Variants in NALF1 observed in about 807,000 individuals in gnomAD.
NALF1 encodes family with sequence similarity 155 member A.
In NALF1, 3 loss-of-function variants were observed where a neutral mutation model predicts 48.4. The ratio of observed to expected loss-of-function variants is 0.06; its 90% CI spans 0.03 to 0.16. The LOEUF (loss-of-function observed/expected upper bound fraction) is 0.16. Among genes scored for constraint, NALF1 ranks in the 10% least tolerant of loss-of-function variants. NALF1 has a pLI of 1.00. For missense variants in NALF1, 526 were observed against 571.5 expected (o/e 0.92, Z 0.81); for synonymous variants, 262 against 245.7 (o/e 1.07, Z -0.62).
chr13:107,450,027 G>A (rs528124862), intron 1 of NALF1, among the ~76,000 whole-genome samples: 14 of 152,044 alleles, frequency 9.2e-5, no homozygotes, highest in African/African-American at 1.9e-4. Flanking sequence ...GTGGATAAAC[G>A]GGTGATATAT....
chr13:107,255,516 C>T (rs769823646), intron 1 of NALF1, among the ~76,000 whole-genome samples: 2 of 152,108 alleles, frequency 1.3e-5, no homozygotes, highest in Non-Finnish European at 1.5e-5. Flanking sequence ...TCTTGGCTGA[C>T]ATCCTTACCG....
Position 107,163,559 on chromosome 13 carries a change from A to G in NALF1, c.*6938T>C, listed in dbSNP as rs1215248168. ...TTAATATTTGTATTTTAATAATTTT[A>G]GAAGTTGAAATTTAAGATCCAAGGC... is the stretch of plus-strand genomic sequence containing the variant. On this transcript the variant is annotated 3_prime_UTR_variant, in exon 3 of 3. Coordinates refer to ENST00000375915, the MANE Select transcript of NALF1 (RefSeq NM_001080396.3). 2 of 152,216 alleles carry G rather than the reference A, an allele frequency of 1.3e-5. No homozygotes were observed. The highest frequency in any genetic ancestry group is 2.9e-5 in the Non-Finnish European group (2 of 68,036). The allele number at this position is 152,216 out of a possible 1,614,324, so 9.4% of individuals were successfully genotyped here.
In NALF1 at chr13:107,169,279, G is replaced by A. The variant is rs1782354390; in HGVS notation, c.*1218C>T. Reference sequence around the variant, plus strand: ...CAGAATTGCATACACTGTATACCTGGAATAATTTTAAACCATATGTTAGGG... The same window carrying A: ...CAGAATTGCATACACTGTATACCTGAAATAATTTTAAACCATATGTTAGGG... On this transcript the variant is annotated 3_prime_UTR_variant, in exon 3 of 3. Coordinates refer to ENST00000375915, the MANE Select transcript of NALF1 (RefSeq NM_001080396.3). The A allele has an allele frequency of 6.6e-6, 1 of 152,156 alleles. No individual in the cohort carries two copies. Among genetic ancestry groups the A allele is most frequent in the Non-Finnish European group, 1.5e-5 (1 of 68,034 alleles). 9.4% of individuals were successfully genotyped at this position (152,156 alleles called of 1,614,324 possible). A position where few individuals can be genotyped will look rare whatever the true frequency, so the allele number is the denominator to read the frequency against.
chr13:107,232,794 C>T (rs984539405), intron 1 of NALF1, among the ~76,000 whole-genome samples: 1 of 152,144 alleles, frequency 6.6e-6, no homozygotes, highest in African/African-American at 2.4e-5. Flanking sequence ...AAAGAGCCTG[C>T]AATTTTTTTC....
intron 1 of NALF1, among the ~76,000 whole-genome samples, chr13:107,585,907 T>G (rs1197577265): frequency 6.6e-6 from 1 of 152,150 alleles, no homozygotes; most frequent in Non-Finnish European, 1.5e-5. Context: ...AAAGCATGTA[T>G]TTAATTACTT....
chr13:107,467,321 C>CTTTCATTACTAAGAGACTAAGGTTA (rs71121530), intron 1 of NALF1, among the ~76,000 whole-genome samples: 48,965 of 151,282 alleles, frequency 0.32, 9,426 homozygotes, highest in Middle Eastern at 0.45. Flanking sequence ...TAGATATATA[C>CTTTCATTACTAAGAGACTAAGGTTA]TTTCATTACT....
At position 107,387,323 on chromosome 13, in the gene NALF1, G is replaced by A. The variant is rs142618036; in HGVS notation, c.916-176568C>T. ...CAGGTGGGATAACATCTGACACAGA[G>A]CTTCCGTCCCAAGTTCAACCCCCAT... On this transcript the variant is annotated intron_variant, in intron 1 of 2. Transcript: ENST00000375915. Among the ~76,000 whole-genome samples, 220 of 152,236 alleles carry A rather than the reference G, an allele frequency of 1.4e-3. 2 individuals are homozygous for A. Among genetic ancestry groups the A allele is most frequent in the Admixed American group, 5.5e-3 (84 of 15,288 alleles).
chr13:107,675,890 A>C (rs945171522), intron 1 of NALF1, among the ~76,000 whole-genome samples: 7 of 152,174 alleles, frequency 4.6e-5, no homozygotes, highest in African/African-American at 1.7e-4. Flanking sequence ...CTCCAATTGA[A>C]GGTATGGAGG....
chr13:107,355,267 G>A (rs951134629), intron 1 of NALF1, among the ~76,000 whole-genome samples: 1 of 152,092 alleles, frequency 6.6e-6, no homozygotes, highest in Non-Finnish European at 1.5e-5. Context: ...CAGTAATAGA[G>A]TTTTTGAAGC....
At chr13:107,256,267 G>A (rs538155125) in intron 1 of NALF1, among the ~76,000 whole-genome samples, 15 of 152,296 alleles carry the variant, frequency 9.8e-5, no homozygotes, top group African/African-American at 3.4e-4. Context: ...GCTGTACAGT[G>A]GAAGTACTAC....
At chr13:107,670,569 G>T (rs1880967137) in intron 1 of NALF1, among the ~76,000 whole-genome samples, 1 of 152,104 alleles carries the variant, frequency 6.6e-6, no homozygotes, top group Non-Finnish European at 1.5e-5. Flanking sequence ...GCCAGACATA[G>T]CCTGGTTGTT....
intron 1 of NALF1, among the ~76,000 whole-genome samples, chr13:107,646,515 T>C (rs7984847): frequency 0.19 from 29,336 of 152,128 alleles, 3,025 homozygotes; most frequent in Middle Eastern, 0.35. Flanking sequence ...TCCTATATTC[T>C]CACAGGTAAA....
intron 1 of NALF1, among the ~76,000 whole-genome samples, chr13:107,225,836 C>T (rs1880091558): frequency 6.6e-6 from 1 of 152,092 alleles, no homozygotes; most frequent in Non-Finnish European, 1.5e-5. Context: ...CACGCACACA[C>T]ACACGCATGC....
intron 1 of NALF1, among the ~76,000 whole-genome samples, chr13:107,415,309 T>C (rs745378996): frequency 4.0e-4 from 61 of 152,032 alleles, no homozygotes; most frequent in Admixed American, 2.7e-3. Flanking sequence ...TTGTGAAAGA[T>C]ATACTGGATT....
chr13:107,473,647 A>T (rs1244654813), intron 1 of NALF1, among the ~76,000 whole-genome samples: 3 of 152,216 alleles, frequency 2.0e-5, no homozygotes, highest in Admixed American at 6.5e-5. Flanking sequence ...AGGCCAAAAG[A>T]TAGTAGTAGA....
intron 1 of NALF1, among the ~76,000 whole-genome samples, chr13:107,348,121 T>A (rs1307532873): frequency 6.6e-6 from 1 of 152,254 alleles, no homozygotes; most frequent in South Asian, 2.1e-4. Flanking sequence ...GTTCTGAGAT[T>A]GCTTGAAACT....
At chr13:107,453,570 A>C (rs904770869) in intron 1 of NALF1, among the ~76,000 whole-genome samples, 3 of 152,220 alleles carry the variant, frequency 2.0e-5, no homozygotes, top group Non-Finnish European at 4.4e-5. Flanking sequence ...CTAGGCCTCC[A>C]GGCCTGTGAT....
chr13:107,740,214 T>C (rs1876592656), intron 1 of NALF1, among the ~76,000 whole-genome samples: 1 of 152,184 alleles, frequency 6.6e-6, no homozygotes, highest in African/African-American at 2.4e-5. Context: ...GAAATATTTT[T>C]ATTTATCTCA....
At chr13:107,357,518 A>AAAC (rs1019767674) in intron 1 of NALF1, among the ~76,000 whole-genome samples, 23 of 152,254 alleles carry the variant, frequency 1.5e-4, no homozygotes, top group African/African-American at 4.6e-4. Flanking sequence ...GTTGTGTTAA[A>AAAC]AACAACAACA....
Sources: allele counts gnomAD v4.1 joint callset (sites outside exome capture counted in the v4.1 genomes callset), GRCh38; gene constraint gnomAD v4.1.1; transcripts MANE v1.5; gene names NCBI Gene and HGNC (gene_info 2026-07-23, HGNC 2026-07-21).